The following EPHA6 variants were observed in gnomAD, a reference collection of about 807,000 sequenced individuals.
EPHA6 encodes the protein ephrin type-A receptor 6.
A neutral mutation model predicts 112.0 loss-of-function variants in EPHA6; 50 were observed. The ratio of observed to expected loss-of-function variants is 0.45; its 90% CI spans 0.36 to 0.56. The LOEUF is 0.56. Among genes scored for constraint, EPHA6 ranks in the 20% least tolerant of loss-of-function variants. The pLI is 0.00. For missense variants in EPHA6, 1,280 were observed against 1,417.4 expected, an observed-to-expected ratio of 0.90 and a Z score of 1.56; for synonymous variants, 529 against 490.7, an observed-to-expected ratio of 1.08 and a Z score of -1.03.
At chr3:97,248,290 T>C (rs1213357831) in intron 5 of EPHA6, among the ~76,000 whole-genome samples, 3 of 152,120 alleles carry the variant, frequency 2.0e-5, no homozygotes, top group Admixed American at 1.3e-4. Context: ...TCTGTTTTCA[T>C]AGTTTATGTA....
chr3:97,442,372 G>A (rs1413770415), intron 6 of EPHA6, among the ~76,000 whole-genome samples: 3 of 152,152 alleles, frequency 2.0e-5, no homozygotes, highest in Admixed American at 1.3e-4. Context: ...GACCACTTGA[G>A]GCCAGGAGTT....
chr3:97,585,450 CAG>C (rs1417787982), intron 11 of EPHA6, among the ~76,000 whole-genome samples: 3 of 151,976 alleles, frequency 2.0e-5, no homozygotes, highest in Non-Finnish European at 4.4e-5. Context: ...AAAAATAACT[CAG>C]GGAAAAAATG....
intron 13 of EPHA6, among the ~76,000 whole-genome samples, chr3:97,624,098 C>G (rs1281586362): frequency 6.6e-6 from 1 of 151,716 alleles, no homozygotes; most frequent in Non-Finnish European, 1.5e-5. Flanking sequence ...AAGTGCCATC[C>G]TGGCCCTCTT....
At chr3:97,123,500 G>A (rs550258584) in intron 3 of EPHA6, among the ~76,000 whole-genome samples, 3 of 152,154 alleles carry the variant, frequency 2.0e-5, no homozygotes, top group South Asian at 2.1e-4. Flanking sequence ...TTTGAAATTA[G>A]GAGCATAGAA....
intron 11 of EPHA6, among the ~76,000 whole-genome samples, chr3:97,588,034 G>A (rs2093507334): frequency 2.0e-5 from 3 of 151,970 alleles, no homozygotes; most frequent in South Asian, 4.1e-4. Context: ...TTTTACAGGG[G>A]ATATTATCAG....
At chr3:97,709,411 G>C (rs1189950012) in intron 14 of EPHA6, among the ~76,000 whole-genome samples, 3 of 152,226 alleles carry the variant, frequency 2.0e-5, no homozygotes, top group African/African-American at 7.2e-5. Context: ...CTCCCATTCA[G>C]AACTGGAAGA....
intron 5 of EPHA6, among the ~76,000 whole-genome samples, chr3:97,255,047 TGAA>T (rs1484444827): frequency 6.6e-6 from 1 of 152,116 alleles, no homozygotes; most frequent in African/African-American, 2.4e-5. Flanking sequence ...TTTAGTAGAA[TGAA>T]GAAGTGTTCT....
intron 3 of EPHA6, among the ~76,000 whole-genome samples, chr3:97,014,364 C>T (rs1431924045): frequency 2.6e-5 from 4 of 151,246 alleles, no homozygotes; most frequent in African/African-American, 9.7e-5. Flanking sequence ...CTCCCTCCCT[C>T]CCTTCCTTCA....
chr3:97,183,041 T>C (rs958830315), intron 3 of EPHA6, among the ~76,000 whole-genome samples: 2 of 152,148 alleles, frequency 1.3e-5, no homozygotes. Context: ...GTTTTCAAGA[T>C]TATTTGAAAA....
At chr3:97,253,437 G>C (rs1301177304) in intron 5 of EPHA6, among the ~76,000 whole-genome samples, 1 of 152,034 alleles carries the variant, frequency 6.6e-6, no homozygotes, top group Non-Finnish European at 1.5e-5. Flanking sequence ...TTCAGTTATC[G>C]ATACTTTTAT....
At chr3:97,118,688 A>G (rs2047960863) in intron 3 of EPHA6, among the ~76,000 whole-genome samples, 1 of 151,916 alleles carries the variant, frequency 6.6e-6, no homozygotes, top group Non-Finnish European at 1.5e-5. Context: ...CTAAAGTCCT[A>G]TTTCCAGTCT....
chr3:97,485,355 C>G (rs1424109677), intron 10 of EPHA6, among the ~76,000 whole-genome samples: 1 of 152,194 alleles, frequency 6.6e-6, no homozygotes, highest in Non-Finnish European at 1.5e-5. Context: ...ACTAAACCAA[C>G]TACAGGGCAC....
chr3:97,474,424 C>G (rs950064079), intron 7 of EPHA6, among the ~76,000 whole-genome samples: 10 of 151,798 alleles, frequency 6.6e-5, no homozygotes, highest in Admixed American at 6.6e-4. Flanking sequence ...ATTATTACTA[C>G]AAGTTATAGT....
chr3:97,686,935 G>A (rs983190281), intron 14 of EPHA6, among the ~76,000 whole-genome samples: 1 of 152,102 alleles, frequency 6.6e-6, no homozygotes, highest in African/African-American at 2.4e-5. Flanking sequence ...CCCATATTTT[G>A]TGGGGGGAAA....
intron 16 of EPHA6, among the ~76,000 whole-genome samples, chr3:97,745,032 G>GT (rs565649879): frequency 6.4e-4 from 97 of 151,938 alleles, no homozygotes; most frequent in African/African-American, 2.3e-3. Flanking sequence ...TTTAAACTTG[G>GT]TTAGTGAAGT....
rs1012261917 is a variant in EPHA6 at position 97,668,775 on chromosome 3, A to G, written c.2784+30693A>G. On this transcript the variant is annotated intron_variant, in intron 14 of 17. Transcript: ENST00000389672. Reference sequence around the variant, plus strand: ...CTAAAAATACAAAAATTAGCTGGGCATGGTGGAGAGTGCCTGTAGTCCCAG... The same window carrying G: ...CTAAAAATACAAAAATTAGCTGGGCGTGGTGGAGAGTGCCTGTAGTCCCAG... Among the ~76,000 whole-genome samples the G allele has an allele frequency of 6.6e-5, 10 of 151,670 alleles. No homozygotes were observed. In the South Asian group the frequency reaches 1.5e-3, roughly 22 times the overall value.
chr3:97,010,255 A>C (rs2044037178), intron 3 of EPHA6: 1 of 456,684 alleles, frequency 2.2e-6, no homozygotes, highest in Admixed American at 3.9e-5. Flanking sequence ...AATAACTTGT[A>C]GCAGAAATTG....
At chr3:97,335,816 G>T (rs942777887) in intron 5 of EPHA6, among the ~76,000 whole-genome samples, 6 of 152,228 alleles carry the variant, frequency 3.9e-5, no homozygotes, top group African/African-American at 1.4e-4. Context: ...GTCTCCCCAA[G>T]AATTCAGGGA....
At chr3:97,430,868 T>G (rs2089460570) in intron 6 of EPHA6, among the ~76,000 whole-genome samples, 1 of 152,152 alleles carries the variant, frequency 6.6e-6, no homozygotes, top group Non-Finnish European at 1.5e-5. Flanking sequence ...CTTTACAGTC[T>G]CTCAAAGAAC....
Sources: gnomAD v4.1 joint callset for allele counts (sites outside exome capture counted in the v4.1 genomes callset) on GRCh38, gnomAD v4.1.1 for gene constraint, MANE v1.5 for transcripts, NCBI Gene and HGNC (gene_info 2026-07-23, HGNC 2026-07-21) for gene names.